The following RIBC2 variants were observed in gnomAD, a reference collection of about 807,000 sequenced individuals.
RIBC2 encodes the protein RIB43A domain with coiled-coils 2.
Under a neutral mutation model 44.3 loss-of-function variants are expected in RIBC2, and 40 were observed. The ratio of observed to expected loss-of-function variants is 0.90; its 90% CI spans 0.70 to 1.18. The LOEUF (loss-of-function observed/expected upper bound fraction) is 1.18. RIBC2 is among the 50% of genes most tolerant of loss of function. The pLI is 0.00. For synonymous variants in RIBC2, 171 were observed against 175.0 expected (o/e 0.98, Z 0.18); for missense variants, 459 against 485.5 (o/e 0.95, Z 0.51).
chr22:45,425,299 C>T (rs994383518), intron 4 of RIBC2, among the ~76,000 whole-genome samples: 6 of 152,076 alleles, frequency 3.9e-5, no homozygotes, highest in Non-Finnish European at 8.8e-5. Context: ...TGTGGGAGGC[C>T]GGCTCCTTGC....
chr22:45,432,315 C>A lies in RIBC2; in HGVS notation c.1102C>A (p.Gln368Lys). The change falls in exon 7 of 7, where the codon CAA (glutamine) becomes AAA (lysine). Residue 368 changes from glutamine (Q) to lysine (K), a missense_variant. By Grantham distance (53) the Gln-to-Lys change is moderately conservative. Coordinates refer to ENST00000614167, the MANE Select transcript of RIBC2 (RefSeq NM_015653.5). ...ATATATGAATGAAGTCTATACAAAT[C>A]AACCCACGGGAGACTATTTCACACA... ...KKYMNEVYTN[Q>K]PTGDYFTQFN... The A allele has an allele frequency of 6.3e-7, 1 of 1,596,606 alleles. No homozygotes were observed. Among genetic ancestry groups the A allele is most frequent in the South Asian group, 1.1e-5 (1 of 89,276 alleles).
At chr22:45,430,172 C>T (rs1050752791) in intron 5 of RIBC2, among the ~76,000 whole-genome samples, 5 of 152,204 alleles carry the variant, frequency 3.3e-5, no homozygotes, top group Admixed American at 6.5e-5. Context: ...CCGCCCAGAC[C>T]CCCGTGCCAC....
rs776961958 is a variant in RIBC2 at position 45,417,661 on chromosome 22, G to T, written c.271G>T (p.Asp91Tyr). 2.5e-6 allele frequency: 4 copies of T among 1,613,960 alleles called. No individual in the cohort carries two copies. Among genetic ancestry groups the T allele is most frequent in the Non-Finnish European group, 3.4e-6 (4 of 1,180,012 alleles). ...MCILENRKKRDRKNLCRAIND... is the reference protein window; with the variant it reads ...MCILENRKKRYRKNLCRAIND... ...CATATTGGAAAACCGGAAAAAGAGG[G>T]ATAGGAAAAATCTCTGTAGGGCTAT... The change falls in exon 3 of 7, where the codon GAT (aspartate) becomes TAT (tyrosine). Residue 91 changes from aspartate to tyrosine, a missense_variant. By Grantham distance (160) the Asp-to-Tyr change is radical. Transcript: ENST00000614167.
Position 45,414,303 on chromosome 22 carries a change from T to C in RIBC2, c.130-19T>C. ...AATGATCTGGCTCTAACCCTTCTCC[T>C]CTGTTTTTCCATTTATAGGGAGACA... On this transcript the variant is annotated intron_variant, in intron 1 of 6. Coordinates refer to ENST00000614167, the MANE Select transcript of RIBC2 (RefSeq NM_015653.5). The C allele has an allele frequency of 6.5e-7, 1 of 1,543,818 alleles. No homozygotes were observed.
At chr22:45,415,696 G>T (rs533812047) in intron 2 of RIBC2, among the ~76,000 whole-genome samples, 1 of 151,148 alleles carries the variant, frequency 6.6e-6, no homozygotes, top group South Asian at 2.1e-4. Flanking sequence ...TCATTCCCAT[G>T]CTTTTTTTTC....
intron 3 of RIBC2, 89 bp downstream of exon 3, chr22:45,418,035 GTT>G (rs370540282): frequency 8.6e-4 from 377 of 440,156 alleles, no homozygotes; most frequent in Middle Eastern, 1.3e-3. Flanking sequence ...CAACCCTACA[GTT>G]TTTTTTTTTT....
In RIBC2 at chr22:45,426,112, C is replaced by T; in HGVS notation, c.840C>T (p.Gly280=). ...PHRVVPDRWK[G]MTQEQLEQIR... ...GCGTGGTCCCTGACCGCTGGAAGGG[C>T]ATGACCCAGGAGCAGCTGGAGCAGA... The change falls in exon 5 of 7, where the codon GGC becomes GGT. Residue 280 remains glycine, a synonymous_variant. Transcript: ENST00000614167. The T allele has an allele frequency of 6.2e-7, 1 of 1,614,044 alleles. No homozygotes were observed. The highest frequency in any genetic ancestry group is 8.5e-7 in the Non-Finnish European group (1 of 1,180,028).
intron 4 of RIBC2, among the ~76,000 whole-genome samples, chr22:45,422,824 GA>G (rs1351578907): frequency 6.6e-6 from 1 of 152,120 alleles, no homozygotes; most frequent in Non-Finnish European, 1.5e-5. Flanking sequence ...CGATGGCAGG[GA>G]TGATGAAGAA....
At chr22:45,418,571 T>A (rs903236927) in intron 3 of RIBC2, among the ~76,000 whole-genome samples, 2 of 152,192 alleles carry the variant, frequency 1.3e-5, no homozygotes, top group African/African-American at 4.8e-5. Flanking sequence ...CAGCCACTTC[T>A]GTGCCGGAAA....
In RIBC2 at chr22:45,421,504, A is replaced by ACT. The variant is rs1490446198; in HGVS notation, c.557-786_557-785insCT. On this transcript the variant is annotated intron_variant, in intron 3 of 6. Transcript: ENST00000614167. ...TGTCTAATTAATTATTATTATTAAT[A>ACT]ATAGTATTATTAATAATAATAATAG... 4.5e-4 allele frequency among the ~76,000 whole-genome samples: 46 copies of ACT among 102,440 alleles called. 1 individual carries two copies. Among genetic ancestry groups the ACT allele is most frequent in the African/African-American group, 1.7e-3 (41 of 23,668 alleles). The allele number at this position is 102,440 out of a possible 152,430, so 67.2% of individuals were successfully genotyped here.
At chr22:45,426,762 G>C (rs2087538266) in intron 5 of RIBC2, among the ~76,000 whole-genome samples, 1 of 152,194 alleles carries the variant, frequency 6.6e-6, no homozygotes, top group South Asian at 2.1e-4. Context: ...GGGGCTGAGG[G>C]GGAAGGAAGG....
chr22:45,428,301 A>G (rs2087550844), intron 5 of RIBC2, among the ~76,000 whole-genome samples: 1 of 152,244 alleles, frequency 6.6e-6, no homozygotes, highest in Non-Finnish European at 1.5e-5. Flanking sequence ...GACAGCACTT[A>G]CAAGGCGTTT....
chr22:45,428,041 C>T (rs9614664), intron 5 of RIBC2, among the ~76,000 whole-genome samples: 21,995 of 152,212 alleles, frequency 0.14, 1,666 homozygotes, highest in Middle Eastern at 0.26. Flanking sequence ...GAGAAGGGGC[C>T]GCCAGGGAGG....
intron 5 of RIBC2, 85 bp from the exon 6 acceptor site, chr22:45,430,815 A>C: frequency 7.0e-7 from 1 of 1,419,922 alleles, no homozygotes; most frequent in South Asian, 1.5e-5. Context: ...CATCTGTAGA[A>C]TGAGAGGCCA....
intron 4 of RIBC2, among the ~76,000 whole-genome samples, chr22:45,425,116 G>A (rs1223402054): frequency 6.6e-6 from 1 of 151,572 alleles, no homozygotes; most frequent in Non-Finnish European, 1.5e-5. Flanking sequence ...GCGAGACTCC[G>A]TCTCAAAAAA....
intron 5 of RIBC2, among the ~76,000 whole-genome samples, chr22:45,427,461 A>G (rs1158976466): frequency 6.6e-6 from 1 of 152,216 alleles, no homozygotes; most frequent in Non-Finnish European, 1.5e-5. Flanking sequence ...TATTCCAGAC[A>G]GTGAAGTGCT....
rs558224260 is a variant in RIBC2 at position 45,414,944 on chromosome 22, C to G, written c.211+541C>G. On this transcript the variant is annotated intron_variant, in intron 2 of 6. Coordinates refer to ENST00000614167, the MANE Select transcript of RIBC2 (RefSeq NM_015653.5). Reference sequence around the variant, plus strand: ...GTTTATACCAGACAACACATATGTCCGGGCTCACACCCTCAAGCTGACTCA... The same window carrying G: ...GTTTATACCAGACAACACATATGTCGGGGCTCACACCCTCAAGCTGACTCA... 4.8e-4 allele frequency among the ~76,000 whole-genome samples: 73 copies of G among 152,154 alleles called. 1 individual carries two copies. Among genetic ancestry groups the G allele is most frequent in the Middle Eastern group, 3.4e-3 (1 of 294 alleles).
intron 3 of RIBC2, 115 bp downstream of exon 3, chr22:45,418,061 A>ACAGTTTTTTTTTTTTTTTTAGCAACCCTT (rs2087444193): frequency 1.4e-6 from 1 of 732,264 alleles, no homozygotes; most frequent in Non-Finnish European, 2.2e-6. Flanking sequence ...AAGCAACCCT[A>ACAGTTTTTTTTTTTTTTTTAGCAACCCTT]CAGTTTTTGT....
chr22:45,430,668 GAGA>G (rs1303584966), intron 5 of RIBC2, among the ~76,000 whole-genome samples: 1 of 152,196 alleles, frequency 6.6e-6, no homozygotes, highest in Non-Finnish European at 1.5e-5. Context: ...GTGCCTTTAG[GAGA>G]AGGAGGACGG....
Sources: gnomAD v4.1 joint callset for allele counts (sites outside exome capture counted in the v4.1 genomes callset) on GRCh38, gnomAD v4.1.1 for gene constraint, MANE v1.5 for transcripts, NCBI Gene and HGNC (gene_info 2026-07-23, HGNC 2026-07-21) for gene names.